NPAT: variants seen among roughly 807,000 people sequenced by gnomAD.
NPAT encodes the protein nuclear protein, coactivator of histone transcription.
In NPAT, 52 loss-of-function variants were observed where a neutral mutation model predicts 130.7. That is an observed-to-expected ratio of 0.40 (90% confidence interval 0.32 to 0.50). NPAT has a LOEUF of 0.50. Among genes scored for constraint, NPAT ranks in the 20% least tolerant of loss-of-function variants. The pLI, the probability that NPAT is intolerant of heterozygous loss-of-function variation, is 0.68. For missense variants in NPAT, 1,687 were observed against 1,662.6 expected (o/e 1.01, Z -0.26); for synonymous variants, 580 against 584.8 (o/e 0.99, Z 0.12).
In NPAT at chr11:108,159,023, T is replaced by C. The variant is rs1217442546; in HGVS notation, c.4207-4A>G. On this transcript the variant is annotated splice_polypyrimidine_tract_variant and splice_region_variant and intron_variant, in intron 17 of 17. Coordinates refer to ENST00000278612, the MANE Select transcript of NPAT (RefSeq NM_002519.3). ...ATGAACTGGGAAGCTTCTTTTTCTG[T>C]TGAAAAAGAGAAAGAAAAAATAAAC... 5.6e-6 allele frequency: 9 copies of C among 1,594,758 alleles called. No individual in the cohort carries two copies. Among genetic ancestry groups the C allele is most frequent in the African/African-American group, 1.3e-5 (1 of 74,626 alleles).
At chr11:108,210,424 TCTCTCTTG>T (rs1403111813) in intron 1 of NPAT, among the ~76,000 whole-genome samples, 8 of 152,238 alleles carry the variant, frequency 5.3e-5, no homozygotes, top group South Asian at 4.2e-4. Context: ...GACACCTCTT[TCTCTCTTG>T]CTCTCACTCC....
intron 2 of NPAT, among the ~76,000 whole-genome samples, chr11:108,195,202 T>C (rs1477110599): frequency 6.6e-6 from 1 of 152,214 alleles, no homozygotes; most frequent in Non-Finnish European, 1.5e-5. Flanking sequence ...TTGATTTGGG[T>C]AATGTGAGTG....
chr11:108,183,140 C>T (rs1473924827), intron 10 of NPAT, among the ~76,000 whole-genome samples: 1 of 151,898 alleles, frequency 6.6e-6, no homozygotes, highest in African/African-American at 2.4e-5. Flanking sequence ...GCAATAACAC[C>T]TGGCTAATTA....
At chr11:108,160,430 CTG>C (rs1358456094) in intron 17 of NPAT, among the ~76,000 whole-genome samples, 1 of 151,868 alleles carries the variant, frequency 6.6e-6, no homozygotes, top group African/African-American at 2.4e-5. Flanking sequence ...AAAAAAAAAA[CTG>C]AACATCTAAG....
At position 108,192,704 on chromosome 11, in the gene NPAT, C is replaced by T. The variant is rs1190233273; in HGVS notation, c.218-514G>A. 4.3e-4 allele frequency among the ~76,000 whole-genome samples: 66 copies of T among 152,070 alleles called. 1 individual carries two copies. Among genetic ancestry groups the T allele is most frequent in the Non-Finnish European group, 4.1e-4 (28 of 68,028 alleles). ...GGCATGGTGGCTCACGCCTGTAATC[C>T]CAGCACTTTGGGAGGCTGAGGTGGG... On this transcript the variant is annotated intron_variant, in intron 3 of 17. Coordinates refer to ENST00000278612, the MANE Select transcript of NPAT (RefSeq NM_002519.3).
intron 10 of NPAT, among the ~76,000 whole-genome samples, chr11:108,181,061 G>C (rs1380242398): frequency 1.3e-5 from 2 of 152,298 alleles, no homozygotes; most frequent in East Asian, 1.9e-4. Flanking sequence ...TTGTAAATAA[G>C]AGCTTTACAG....
intron 1 of NPAT, among the ~76,000 whole-genome samples, chr11:108,204,476 C>T (rs1482677972): frequency 6.6e-6 from 1 of 152,196 alleles, no homozygotes; most frequent in Non-Finnish European, 1.5e-5. Flanking sequence ...AATAAAAATC[C>T]TTTTCCACCT....
intron 12 of NPAT, among the ~76,000 whole-genome samples, chr11:108,174,473 T>C (rs2077984794): frequency 1.4e-5 from 2 of 144,868 alleles, no homozygotes; most frequent in African/African-American, 2.6e-5. Flanking sequence ...GAACAGAAAG[T>C]CATAAGAAAG....
chr11:108,167,948 TATAAG>T (rs2077915903), intron 15 of NPAT, among the ~76,000 whole-genome samples: 3 of 152,202 alleles, frequency 2.0e-5, no homozygotes, highest in South Asian at 4.1e-4. Flanking sequence ...TATTTATAGT[TATAAG>T]AGAAGATTCC....
chr11:108,203,104 G>A (rs2078289717), intron 1 of NPAT, among the ~76,000 whole-genome samples: 1 of 152,134 alleles, frequency 6.6e-6, no homozygotes, highest in African/African-American at 2.4e-5. Flanking sequence ...CATCTGCCCT[G>A]TATTACTTTT....
At chr11:108,187,232 C>A (rs1180993338) in intron 7 of NPAT, among the ~76,000 whole-genome samples, 3 of 152,146 alleles carry the variant, frequency 2.0e-5, no homozygotes, top group Non-Finnish European at 4.4e-5. Flanking sequence ...GGGAAGATCA[C>A]TTGAAGCCAG....
At chr11:108,209,190 G>T (rs2078359262) in intron 1 of NPAT, among the ~76,000 whole-genome samples, 1 of 152,184 alleles carries the variant, frequency 6.6e-6, no homozygotes, top group African/African-American at 2.4e-5. Context: ...TGAGGCAGGA[G>T]AACTGCGTGA....
At chr11:108,188,824 A>C (rs2078134385) in intron 6 of NPAT, among the ~76,000 whole-genome samples, 1 of 152,210 alleles carries the variant, frequency 6.6e-6, no homozygotes, top group South Asian at 2.1e-4. Context: ...CATTCCATTT[A>C]AAATCAAATA....
intron 2 of NPAT, among the ~76,000 whole-genome samples, chr11:108,197,020 GA>G (rs998655342): frequency 6.7e-6 from 1 of 150,262 alleles, no homozygotes; most frequent in Non-Finnish European, 1.5e-5. Flanking sequence ...AGGTCAGGAA[GA>G]AAAAAAAAGG....
At chr11:108,204,602 T>C (rs953461261) in intron 1 of NPAT, among the ~76,000 whole-genome samples, 1 of 152,156 alleles carries the variant, frequency 6.6e-6, no homozygotes, top group East Asian at 1.9e-4. Context: ...GGCTATAACA[T>C]TGTAGCCCTC....
At chr11:108,193,265 T>C (rs1425255510) in intron 3 of NPAT, among the ~76,000 whole-genome samples, 1 of 152,226 alleles carries the variant, frequency 6.6e-6, no homozygotes, top group African/African-American at 2.4e-5. Flanking sequence ...CTACATAGAA[T>C]TAAAATTAAA....
chr11:108,180,587 T>C (rs1382106682), intron 10 of NPAT, among the ~76,000 whole-genome samples: 1 of 151,034 alleles, frequency 6.6e-6, no homozygotes, highest in Non-Finnish European at 1.5e-5. Context: ...GTGAGAATTC[T>C]TGTACACTGT....
At position 108,161,164 on chromosome 11, in the gene NPAT, G is replaced by C; in HGVS notation, c.3922C>G (p.Pro1308Ala). The C allele has an allele frequency of 6.2e-7, 1 of 1,614,170 alleles. No homozygotes were observed. The highest frequency in any genetic ancestry group is 8.5e-7 in the Non-Finnish European group (1 of 1,180,024). The change falls in exon 17 of 18, where the codon CCT (proline) becomes GCT (alanine). Residue 1308 changes from proline (P) to alanine (A), a missense_variant. Coordinates refer to ENST00000278612, the MANE Select transcript of NPAT (RefSeq NM_002519.3). ...DSSTSKVMVPPVTPDLPACSP... is the reference protein window; with the variant it reads ...DSSTSKVMVPAVTPDLPACSP... ...CAGGCAGGCAAGTCTGGGGTGACAGGAGGGACCATTACTTTTGATGTACTA... is the reference window on the plus strand; with the variant it reads ...CAGGCAGGCAAGTCTGGGGTGACAGCAGGGACCATTACTTTTGATGTACTA...
chr11:108,190,929 C>T (rs1360176888), intron 4 of NPAT, among the ~76,000 whole-genome samples: 1 of 152,090 alleles, frequency 6.6e-6, no homozygotes, highest in African/African-American at 2.4e-5. Flanking sequence ...TAAAAATTAG[C>T]CAGGTGGCAT....
Sources: gnomAD v4.1 joint callset for allele counts (sites outside exome capture counted in the v4.1 genomes callset) on GRCh38, gnomAD v4.1.1 for gene constraint, MANE v1.5 for transcripts, NCBI Gene and HGNC (gene_info 2026-07-23, HGNC 2026-07-21) for gene names.